The following TMEM178B variants were observed in gnomAD, a reference collection of about 807,000 sequenced individuals.
The protein encoded by TMEM178B is transmembrane protein 178B.
Under a neutral mutation model 31.0 loss-of-function variants are expected in TMEM178B, and 5 were observed. That is an observed-to-expected ratio of 0.16 (90% CI 0.08 to 0.34). TMEM178B has a LOEUF of 0.34. Ranked by LOEUF, TMEM178B falls within the 10% of genes least tolerant of loss-of-function variation. The pLI, the probability that TMEM178B is intolerant of heterozygous loss-of-function variation, is 1.00. For synonymous variants in TMEM178B, 164 were observed against 164.0 expected (o/e 1.00, Z 0.00); for missense variants, 275 against 400.3 (o/e 0.69, Z 2.67).
chr7:141,202,506 G>A (rs1056129695), intron 1 of TMEM178B, among the ~76,000 whole-genome samples: 1 of 152,148 alleles, frequency 6.6e-6, no homozygotes, highest in Non-Finnish European at 1.5e-5. Flanking sequence ...TCTACGCAAT[G>A]CATACAAAAC....
chr7:141,491,041 T>G, the TMEM178B span, among the ~76,000 whole-genome samples: 1 of 152,160 alleles, frequency 6.6e-6, no homozygotes, highest in South Asian at 2.1e-4. Context: ...TTTTTTATTT[T>G]TTTTGAGGCT....
At chr7:141,109,916 G>T (rs1474097192) in intron 1 of TMEM178B, among the ~76,000 whole-genome samples, 2 of 152,016 alleles carry the variant, frequency 1.3e-5, no homozygotes, top group Admixed American at 1.3e-4. Context: ...ACTCCAGCCT[G>T]GGTGATAGAG....
chr7:141,241,003 T>A (rs1471362276), intron 2 of TMEM178B, among the ~76,000 whole-genome samples: 1 of 152,026 alleles, frequency 6.6e-6, no homozygotes, highest in South Asian at 2.1e-4. Flanking sequence ...TCCCTTTTTT[T>A]TTTTTTTTAA....
chr7:141,467,546 T>C (rs1215907471), intron 3 of TMEM178B, among the ~76,000 whole-genome samples: 1 of 152,252 alleles, frequency 6.6e-6, no homozygotes, highest in East Asian at 1.9e-4. Context: ...CCCTTCCCCC[T>C]GATGACCACG....
intron 1 of TMEM178B, among the ~76,000 whole-genome samples, chr7:141,195,557 A>C (rs1796768706): frequency 6.6e-6 from 1 of 152,194 alleles, no homozygotes; most frequent in African/African-American, 2.4e-5. Flanking sequence ...CCATTCAACA[A>C]GTCTCTAGAA....
intron 2 of TMEM178B, among the ~76,000 whole-genome samples, chr7:141,381,132 T>C (rs200510434): frequency 1.3e-5 from 2 of 152,160 alleles, no homozygotes; most frequent in East Asian, 1.9e-4. Context: ...GTCCTTGAAG[T>C]TGGGGCAAAT....
In TMEM178B at chr7:141,437,296, T is replaced by G. The variant is rs533159200; in HGVS notation, c.497-312T>G. Among the ~76,000 whole-genome samples, 27 of 152,256 alleles carry G rather than the reference T, an allele frequency of 1.8e-4. 1 individual carries two copies. The highest frequency in any genetic ancestry group is 6.0e-4 in the African/African-American group (25 of 41,544). On this transcript the variant is annotated intron_variant, in intron 2 of 3. Coordinates refer to ENST00000565468, the MANE Select transcript of TMEM178B (RefSeq NM_001195278.2). ...AAAGATAGTACCTGTCTCAGAAGGTTGAGATAGATATATAGCTAGGCAGCG... is the reference window on the plus strand; with the variant it reads ...AAAGATAGTACCTGTCTCAGAAGGTGGAGATAGATATATAGCTAGGCAGCG...
chr7:141,082,298 A>G (rs932417681), intron 1 of TMEM178B, among the ~76,000 whole-genome samples: 1 of 152,212 alleles, frequency 6.6e-6, no homozygotes, highest in Non-Finnish European at 1.5e-5. Context: ...TCATTAGCTG[A>G]GGGACCTCCA....
chr7:141,452,982 C>T (rs1199109596), intron 3 of TMEM178B, among the ~76,000 whole-genome samples: 2 of 152,224 alleles, frequency 1.3e-5, no homozygotes, highest in Admixed American at 6.5e-5. Flanking sequence ...GTTCCAGTCA[C>T]CCCAGCGACT....
At chr7:141,204,832 T>C (rs944599368) in intron 1 of TMEM178B, among the ~76,000 whole-genome samples, 1 of 152,194 alleles carries the variant, frequency 6.6e-6, no homozygotes, top group Non-Finnish European at 1.5e-5. Context: ...TTCTGACTTT[T>C]TTTTAAGAGA....
At chr7:141,295,471 T>C (rs1359495519) in intron 2 of TMEM178B, among the ~76,000 whole-genome samples, 1 of 152,210 alleles carries the variant, frequency 6.6e-6, no homozygotes, top group Non-Finnish European at 1.5e-5. Flanking sequence ...TGCTGTGATA[T>C]ACTCCCAAGA....
In TMEM178B at chr7:141,074,501, C is replaced by G. The variant is rs1794564076; in HGVS notation, c.191C>G (p.Pro64Arg). 6.5e-7 allele frequency: 1 copy of G among 1,535,914 alleles called. No homozygotes were observed. The highest frequency in any genetic ancestry group is 8.7e-7 in the Non-Finnish European group (1 of 1,146,838). Residue 64 changes from proline (P) to arginine (R), a missense_variant, in exon 1 of 4, where the codon CCG (proline) becomes CGG (arginine). By Grantham distance (103) the Pro-to-Arg change is moderately radical (BLOSUM62 -2). Coordinates refer to ENST00000565468, the MANE Select transcript of TMEM178B (RefSeq NM_001195278.2). The surrounding 1 kb of genome is among the most constrained non-coding windows in gnomAD (Gnocchi z 5.1). ...ATTTACAACAATAACAACAACTTGC[C>G]GCTCCGGGCGAGCCGCTCGCGCCTG... Reference protein sequence around the residue: ...GFIYNNNNNLPLRASRSRLDR... With the variant: ...GFIYNNNNNLRLRASRSRLDR...
At chr7:141,226,646 AG>A (rs1215297388) in intron 2 of TMEM178B, among the ~76,000 whole-genome samples, 2 of 152,146 alleles carry the variant, frequency 1.3e-5, no homozygotes, top group African/African-American at 4.8e-5. Context: ...TGAGGCCAGG[AG>A]TTCAAGACCA....
At chr7:141,385,168 C>T (rs574453026) in intron 2 of TMEM178B, among the ~76,000 whole-genome samples, 6 of 152,268 alleles carry the variant, frequency 3.9e-5, no homozygotes, top group African/African-American at 1.2e-4. Flanking sequence ...TCCCACTTTT[C>T]GTATTTTTCC....
At chr7:141,295,235 G>A (rs997787864) in intron 2 of TMEM178B, among the ~76,000 whole-genome samples, 9 of 152,206 alleles carry the variant, frequency 5.9e-5, no homozygotes, top group Admixed American at 5.9e-4. Context: ...CACTGGCTAT[G>A]AGGGAGATGG....
chr7:141,346,741 A>G (rs1799626607), intron 2 of TMEM178B, among the ~76,000 whole-genome samples: 1 of 152,238 alleles, frequency 6.6e-6, no homozygotes, highest in Middle Eastern at 3.2e-3. Flanking sequence ...ATATACCAAC[A>G]GTGTGTGGTA....
chr7:141,158,765 T>C (rs1796117260), intron 1 of TMEM178B, among the ~76,000 whole-genome samples: 1 of 151,984 alleles, frequency 6.6e-6, no homozygotes, highest in Non-Finnish European at 1.5e-5. Flanking sequence ...GGCCTCTGCT[T>C]GGAGATGCGG....
chr7:141,398,665 G>A (rs1563171324), intron 2 of TMEM178B, among the ~76,000 whole-genome samples: 1 of 152,330 alleles, frequency 6.6e-6, no homozygotes, highest in Non-Finnish European at 1.5e-5. Flanking sequence ...AATGTGATTT[G>A]CTGGAATAAT....
chr7:141,114,243 A>G (rs1795281191), intron 1 of TMEM178B, among the ~76,000 whole-genome samples: 1 of 152,230 alleles, frequency 6.6e-6, no homozygotes, highest in African/African-American at 2.4e-5. Flanking sequence ...TTGTACTCTG[A>G]TCATTGCTGG....
Sources: allele counts gnomAD v4.1 joint callset (sites outside exome capture counted in the v4.1 genomes callset), GRCh38; gene constraint gnomAD v4.1.1; non-coding constraint Gnocchi (gnomAD v3.1); transcripts MANE v1.5; gene names NCBI Gene and HGNC (gene_info 2026-07-23, HGNC 2026-07-21).